The following PLXNA4 variants were observed in gnomAD, a reference collection of about 807,000 sequenced individuals.
The protein encoded by PLXNA4 is plexin-A4.
A neutral mutation model predicts 191.8 loss-of-function variants in PLXNA4; 44 were observed. The ratio of observed to expected loss-of-function variants is 0.23; its 90% CI spans 0.18 to 0.29. The LOEUF is 0.29. PLXNA4 is among the 10% of genes least tolerant of loss of function. PLXNA4 has a pLI of 1.00. For missense variants in PLXNA4, 1,800 were observed against 2,488.8 expected (o/e 0.72, Z 5.89); for synonymous variants, 1,082 against 1,009.5 (o/e 1.07, Z -1.36).
At chr7:132,151,309 A>AAGAAGAAGGAGGAGGAGGAG (rs1795600422) in intron 25 of PLXNA4, among the ~76,000 whole-genome samples, 1 of 22,528 alleles carries the variant, frequency 4.4e-5, no homozygotes, top group African/African-American at 1.2e-4. Flanking sequence ...AGGAGGAGGA[A>AAGAAGAAGGAGGAGGAGGAG]GAAGGAGGAG....
intron 1 of PLXNA4, among the ~76,000 whole-genome samples, chr7:132,534,840 A>G (rs1384198903): frequency 6.6e-6 from 1 of 152,238 alleles, no homozygotes; most frequent in Admixed American, 6.5e-5. Flanking sequence ...AGATGGCACC[A>G]TGATGCTGAG....
intron 25 of PLXNA4, among the ~76,000 whole-genome samples, chr7:132,158,288 T>G (rs1795850963): frequency 6.6e-6 from 1 of 152,132 alleles, no homozygotes; most frequent in East Asian, 1.9e-4. Flanking sequence ...CAATGAAAAT[T>G]CCCTCTGGAT....
chr7:132,496,073 C>T (rs969960736), intron 2 of PLXNA4, among the ~76,000 whole-genome samples: 2 of 152,228 alleles, frequency 1.3e-5, no homozygotes, highest in African/African-American at 4.8e-5. Flanking sequence ...CCATCTGGGC[C>T]CTGCTTCAGT....
intron 2 of PLXNA4, among the ~76,000 whole-genome samples, chr7:132,634,492 C>T (rs1803556241): frequency 6.6e-6 from 1 of 152,106 alleles, no homozygotes; most frequent in South Asian, 2.1e-4. Context: ...ACTACACACA[C>T]ACATACAGAA....
chr7:132,548,032 C>T (rs1458856134), intron 1 of PLXNA4, among the ~76,000 whole-genome samples: 1 of 152,102 alleles, frequency 6.6e-6, no homozygotes, highest in African/African-American at 2.4e-5. Context: ...CCGAAGAAAA[C>T]ACCCAGCCAC....
chr7:132,494,355 CTT>C lies in PLXNA4; in HGVS notation c.1189-4883_1189-4882del, dbSNP rs573460193. Among the ~76,000 whole-genome samples the C allele has an allele frequency of 3.0e-3, 452 of 152,282 alleles. 1 individual carries two copies. Among genetic ancestry groups the C allele is most frequent in the Non-Finnish European group, 4.5e-3 (309 of 68,006 alleles). ...CCCCAGACATATTGGATTAAAAAGT[CTT>C]GGGTGGGGGCTCAGACATCTTCATC... On this transcript the variant is annotated intron_variant, in intron 2 of 31. Coordinates refer to ENST00000321063, the MANE Select transcript of PLXNA4 (RefSeq NM_020911.2).
intron 1 of PLXNA4, among the ~76,000 whole-genome samples, chr7:132,516,137 T>C (rs1798925561): frequency 6.6e-6 from 1 of 152,232 alleles, no homozygotes; most frequent in Non-Finnish European, 1.5e-5. Flanking sequence ...GCCAGTCAAT[T>C]CAAACAGGGA....
chr7:132,604,226 T>C (rs150430380), intron 2 of PLXNA4, among the ~76,000 whole-genome samples: 1 of 152,224 alleles, frequency 6.6e-6, no homozygotes, highest in African/African-American at 2.4e-5. Context: ...CTGAGAGAAA[T>C]CAGTCTCTCT....
chr7:132,622,773 C>T (rs1024252110), intron 2 of PLXNA4, among the ~76,000 whole-genome samples: 3 of 152,136 alleles, frequency 2.0e-5, no homozygotes, highest in East Asian at 1.9e-4. Flanking sequence ...CTGAGGTCAA[C>T]GACTATTTAA....
At chr7:132,493,021 G>A (rs1797866119) in intron 2 of PLXNA4, among the ~76,000 whole-genome samples, 1 of 152,202 alleles carries the variant, frequency 6.6e-6, no homozygotes, top group Non-Finnish European at 1.5e-5. Flanking sequence ...CAGGGGGAGG[G>A]AGGGTCCCCC....
At chr7:132,563,656 T>C (rs201118264) in intron 1 of PLXNA4, among the ~76,000 whole-genome samples, 413 of 47,938 alleles carry the variant, frequency 8.6e-3, no homozygotes, top group Middle Eastern at 0.024. Flanking sequence ...CCTTCTCCTC[T>C]TCCTCCTCCT....
intron 3 of PLXNA4, among the ~76,000 whole-genome samples, chr7:132,369,567 A>T (rs1201605414): frequency 6.6e-6 from 1 of 152,166 alleles, no homozygotes; most frequent in Admixed American, 6.5e-5. Context: ...AACATACACC[A>T]AAAAGAGAGG....
chr7:132,412,661 A>G (rs1405877680), intron 3 of PLXNA4, among the ~76,000 whole-genome samples: 1 of 152,174 alleles, frequency 6.6e-6, no homozygotes, highest in African/African-American at 2.4e-5. Flanking sequence ...GCACAGATGG[A>G]TTAATTTCTG....
intron 2 of PLXNA4, among the ~76,000 whole-genome samples, chr7:132,494,078 G>T (rs1345035591): frequency 6.6e-6 from 1 of 152,164 alleles, no homozygotes. Flanking sequence ...GTTGTTTGTT[G>T]TCATTAGATG....
chr7:132,268,574 T>C (rs1799941872), intron 4 of PLXNA4, among the ~76,000 whole-genome samples: 1 of 152,134 alleles, frequency 6.6e-6, no homozygotes, highest in Non-Finnish European at 1.5e-5. Context: ...ATGGGTCTTA[T>C]TTACATAGGA....
intron 1 of PLXNA4, among the ~76,000 whole-genome samples, chr7:132,570,050 T>C (rs2116749908): frequency 6.6e-6 from 1 of 152,344 alleles, no homozygotes; most frequent in South Asian, 2.1e-4. Flanking sequence ...TATATACTTT[T>C]GTGATTTCAC....
intron 1 of PLXNA4, among the ~76,000 whole-genome samples, chr7:132,573,142 C>T (rs1262280380): frequency 6.6e-6 from 1 of 152,064 alleles, no homozygotes; most frequent in East Asian, 1.9e-4. Context: ...GGAAATGAAC[C>T]TACTCAATAG....
chr7:132,359,363 G>A (rs1270850278), intron 3 of PLXNA4, among the ~76,000 whole-genome samples: 4 of 151,848 alleles, frequency 2.6e-5, no homozygotes, highest in Non-Finnish European at 5.9e-5. Flanking sequence ...TGGAACCACA[G>A]GTGCATACCA....
chr7:132,594,685 G>A (rs889207011), intron 2 of PLXNA4, among the ~76,000 whole-genome samples: 1 of 152,196 alleles, frequency 6.6e-6, no homozygotes, highest in Admixed American at 6.5e-5. Context: ...GACAAAGAAC[G>A]GTTCCAAATT....
Sources: gnomAD v4.1 joint callset for allele counts (sites outside exome capture counted in the v4.1 genomes callset) on GRCh38, gnomAD v4.1.1 for gene constraint, MANE v1.5 for transcripts, NCBI Gene and HGNC (gene_info 2026-07-23, HGNC 2026-07-21) for gene names.